The following METTL9 variants were observed in gnomAD, a reference collection of about 807,000 sequenced individuals.
METTL9 encodes the protein methyltransferase 9, His-X-His N1(pi)-histidine.
In METTL9, 10 loss-of-function variants were observed where a neutral mutation model predicts 36.0. That is an observed-to-expected ratio of 0.28 (90% CI 0.17 to 0.47). METTL9 has a LOEUF of 0.47. METTL9 is among the 20% of genes least tolerant of loss of function. METTL9 has a pLI of 0.99. For synonymous variants in METTL9, 175 were observed against 149.7 expected, an observed-to-expected ratio of 1.17 and a Z score of -1.23; for missense variants, 246 against 383.5, an observed-to-expected ratio of 0.64 and a Z score of 3.00.
At position 21,625,011 on chromosome 16, in the gene METTL9, A is replaced by G; in HGVS notation, c.647A>G (p.Asp216Gly). The change falls in exon 4 of 5, where the codon GAT becomes GGT. Residue 216 changes from aspartate (D) to glycine (G), a missense_variant. Physicochemically the swap from Asp to Gly is moderately conservative, Grantham distance 94. Around this residue, in one of 2 missense-constraint regions of METTL9, gnomAD observed 146 missense variants for 302.1 expected, o/e 0.48. Coordinates refer to ENST00000358154, the MANE Select transcript of METTL9 (RefSeq NM_016025.5). ...ISCLNLLDRC[D>G]QPLTLLKDIR... Reference sequence around the variant, plus strand: ...TGCCTGAACTTGCTGGACCGCTGTGATCAGCCCCTGACTTTGTTAAAAGAT... The same window carrying G: ...TGCCTGAACTTGCTGGACCGCTGTGGTCAGCCCCTGACTTTGTTAAAAGAT... 1 of 1,614,210 alleles carries G rather than the reference A, an allele frequency of 6.2e-7. No individual in the cohort carries two copies. Among genetic ancestry groups the G allele is most frequent in the Non-Finnish European group, 8.5e-7 (1 of 1,180,040 alleles).
intron 4 of METTL9, chr16:21,647,451 A>G: frequency 6.2e-7 from 1 of 1,614,062 alleles, no homozygotes; most frequent in Non-Finnish European, 8.5e-7. Flanking sequence ...ACTTCTAGGT[A>G]CCACGGTTGT....
Position 21,629,086 on chromosome 16 carries a change from G to T in METTL9, c.751+3971G>T, listed in dbSNP as rs553604622. On this transcript the variant is annotated intron_variant, in intron 4 of 4. Transcript: ENST00000358154. Reference sequence around the variant, plus strand: ...TTTTTGTATTTTTAGTAGAGACAGGGTTTCGCTATGTTGGCCAGGCTGATC... The same window carrying T: ...TTTTTGTATTTTTAGTAGAGACAGGTTTTCGCTATGTTGGCCAGGCTGATC... Among the ~76,000 whole-genome samples, 15 of 152,088 alleles carry T rather than the reference G, an allele frequency of 9.9e-5. No homozygotes were observed. The South Asian group carries it at 1.9e-3, about 19-fold the overall frequency.
At chr16:21,612,970 G>A in intron 2 of METTL9, 135 bp downstream of exon 2, 1 of 742,680 alleles carries the variant, frequency 1.3e-6, no homozygotes. Context: ...AACCTTGGCA[G>A]TTGGTCCAGC....
chr16:21,637,904 T>A (rs1192544767), intron 4 of METTL9, among the ~76,000 whole-genome samples: 1 of 152,248 alleles, frequency 6.6e-6, no homozygotes, highest in South Asian at 2.1e-4. Context: ...GCTAGCACAT[T>A]GTCACCTCTC....
chr16:21,607,298 C>A (rs1374320709), intron 1 of METTL9, among the ~76,000 whole-genome samples: 1 of 152,198 alleles, frequency 6.6e-6, no homozygotes, highest in Non-Finnish European at 1.5e-5. Flanking sequence ...TGGTCTTGAA[C>A]TCTTGACTTC....
intron 1 of METTL9, among the ~76,000 whole-genome samples, chr16:21,605,267 T>A (rs1258789205): frequency 1.5e-5 from 1 of 68,396 alleles, no homozygotes; most frequent in African/African-American, 6.7e-5. Flanking sequence ...CTTTTTTTTT[T>A]TTTTTTTTTT....
At chr16:21,650,850 T>G (rs1966554701) in intron 4 of METTL9, among the ~76,000 whole-genome samples, 1 of 152,228 alleles carries the variant, frequency 6.6e-6, no homozygotes, top group Non-Finnish European at 1.5e-5. Flanking sequence ...AATTGTTTTT[T>G]AAACACAGTA....
chr16:21,643,260 T>C (rs1742683100), intron 4 of METTL9: 2 of 794,330 alleles, frequency 2.5e-6, no homozygotes, highest in Non-Finnish European at 4.3e-6. Flanking sequence ...TCCCAAAAAC[T>C]ACCCCCTCCC....
At chr16:21,601,589 G>T (rs1013988205) in intron 1 of METTL9, among the ~76,000 whole-genome samples, 17 of 152,160 alleles carry the variant, frequency 1.1e-4, no homozygotes, top group African/African-American at 4.1e-4. Flanking sequence ...AGGCGGAATT[G>T]CAGCTGTAGA....
At chr16:21,620,782 A>G (rs1321855814) in intron 3 of METTL9, among the ~76,000 whole-genome samples, 1 of 152,104 alleles carries the variant, frequency 6.6e-6, no homozygotes, top group Non-Finnish European at 1.5e-5. Context: ...AAATTTTGTG[A>G]CTATTGGTGC....
chr16:21,641,302 T>C (rs1318458697), intron 4 of METTL9: 2 of 346,534 alleles, frequency 5.8e-6, no homozygotes, highest in South Asian at 5.7e-5. Flanking sequence ...AAATAGAATT[T>C]TTTTTCTTGG....
In METTL9 at chr16:21,656,129, A is replaced by AG. The variant is rs1966703099; in HGVS notation, c.*697_*698insG. On this transcript the variant is annotated 3_prime_UTR_variant, in exon 5 of 5. Transcript: ENST00000358154. ...AACACTGAGTCAGTAAAAAAAAAAA[A>AG]CAGAAACAAAAACCCAGCCTCATTC... 1 of 151,588 alleles carries AG rather than the reference A, an allele frequency of 6.6e-6. No homozygotes were observed. Among genetic ancestry groups the AG allele is most frequent in the African/African-American group, 2.4e-5 (1 of 41,250 alleles). 9.4% of individuals were successfully genotyped at this position (151,588 alleles called of 1,614,324 possible).
At chr16:21,619,502 C>G (rs1205069738) in intron 3 of METTL9, among the ~76,000 whole-genome samples, 1 of 151,792 alleles carries the variant, frequency 6.6e-6, no homozygotes. Flanking sequence ...CTCACTGAAA[C>G]CTCCACCTCC....
rs540813202 is a variant in METTL9, at chr16:21,605,702, G to C, written c.165+5804G>C. Among the ~76,000 whole-genome samples the C allele has an allele frequency of 7.2e-5, 11 of 152,178 alleles. No homozygotes were observed. In the South Asian group the frequency reaches 1.4e-3, roughly 20 times the overall value. On this transcript the variant is annotated intron_variant, in intron 1 of 4. Transcript: ENST00000358154. The stretch of plus-strand genomic sequence containing the variant: ...CTGCTTGAAGTTCTGGCCTTTATCT[G>C]GTTTGTGCATGCTTTTTTTAAGGCT...
chr16:21,649,184 G>C (rs1035026570), intron 4 of METTL9, among the ~76,000 whole-genome samples: 1 of 152,092 alleles, frequency 6.6e-6, no homozygotes, highest in Admixed American at 6.6e-5. Context: ...GTAGAGACAG[G>C]GTTTCACCTT....
At chr16:21,600,918 A>T (rs1965107671) in intron 1 of METTL9, among the ~76,000 whole-genome samples, 1 of 151,894 alleles carries the variant, frequency 6.6e-6, no homozygotes, top group African/African-American at 2.4e-5. Context: ...TATATTTCTC[A>T]TTTTCCTACA....
chr16:21,600,919 T>G (rs936768339), intron 1 of METTL9, among the ~76,000 whole-genome samples: 1 of 152,178 alleles, frequency 6.6e-6, no homozygotes, highest in Non-Finnish European at 1.5e-5. Context: ...ATATTTCTCA[T>G]TTTCCTACAT....
chr16:21,627,177 G>T, intron 4 of METTL9: 8 of 985,350 alleles, frequency 8.1e-6, no homozygotes, highest in Non-Finnish European at 9.6e-6. Context: ...ATTAGATCCT[G>T]ATGATTTCCA....
chr16:21,612,207 T>C (rs1241754421), intron 1 of METTL9: 1 of 154,022 alleles, frequency 6.5e-6, no homozygotes, highest in Non-Finnish European at 1.4e-5. Context: ...TGTGACTGTT[T>C]TCTTGTCTAA....
Sources: gnomAD v4.1 joint callset for allele counts (sites outside exome capture counted in the v4.1 genomes callset) on GRCh38, gnomAD v4.1.1 for gene constraint, gnomAD v4.1.1 regional missense constraint, MANE v1.5 for transcripts, NCBI Gene and HGNC (gene_info 2026-07-23, HGNC 2026-07-21) for gene names.